The following CACUL1 variants were observed in gnomAD, a reference collection of about 807,000 sequenced individuals.
The protein encoded by CACUL1 is CDK2-associated and cullin domain-containing protein 1.
Under a neutral mutation model 45.2 loss-of-function variants are expected in CACUL1, and 13 were observed. The observed-to-expected ratio is 0.29, with a 90% CI of 0.19 to 0.46. The LOEUF is 0.46. CACUL1 is among the 20% of genes least tolerant of loss of function. The pLI is 1.00. For synonymous variants in CACUL1, 197 were observed against 174.2 expected (o/e 1.13, Z -1.03); for missense variants, 421 against 471.4 (o/e 0.89, Z 0.99).
At chr10:118,693,924 T>G (rs920865550) in intron 6 of CACUL1, among the ~76,000 whole-genome samples, 1 of 152,228 alleles carries the variant, frequency 6.6e-6, no homozygotes, top group Non-Finnish European at 1.5e-5. Flanking sequence ...CTAAGGGTTT[T>G]GTTTTGTTTT....
rs1845140380 is a variant in CACUL1 at position 118,680,245 on chromosome 10, C to T, written c.*5883G>A. ...AAATTCACACATATACACACACACA[C>T]ACAGAGCTGGTTCTAGTAGAAAAGG... On this transcript the variant is annotated 3_prime_UTR_variant, in exon 9 of 9. Transcript: ENST00000369151. 6.6e-6 allele frequency: 1 copy of T among 152,168 alleles called. No individual in the cohort carries two copies. Among genetic ancestry groups the T allele is most frequent in the Admixed American group, 6.5e-5 (1 of 15,284 alleles). The allele number at this position is 152,168 out of a possible 1,614,324, so 9.4% of individuals were successfully genotyped here. A position where few individuals can be genotyped will look rare whatever the true frequency, so the allele number is the denominator to read the frequency against.
chr10:118,712,594 G>C (rs1845499614), intron 3 of CACUL1, among the ~76,000 whole-genome samples: 1 of 152,246 alleles, frequency 6.6e-6, no homozygotes, highest in Non-Finnish European at 1.5e-5. Flanking sequence ...CTGAGCAACA[G>C]AACAGCTCAG....
At chr10:118,744,215 C>T (rs1238810856) in intron 1 of CACUL1, among the ~76,000 whole-genome samples, 3 of 152,112 alleles carry the variant, frequency 2.0e-5, no homozygotes, top group Non-Finnish European at 4.4e-5. Context: ...GCAGAAACCC[C>T]GTCTCTACTA....
chr10:118,716,848 C>T (rs149151777), intron 3 of CACUL1, among the ~76,000 whole-genome samples: 2 of 152,240 alleles, frequency 1.3e-5, no homozygotes, highest in African/African-American at 2.4e-5. Flanking sequence ...ATGATCCACC[C>T]GCCTCGGCCT....
chr10:118,723,821 G>A (rs1845624758), intron 3 of CACUL1, among the ~76,000 whole-genome samples: 1 of 152,010 alleles, frequency 6.6e-6, no homozygotes, highest in Admixed American at 6.6e-5. Context: ...TGTCGCTCAG[G>A]CTGGAGTACA....
At chr10:118,693,800 C>G (rs1348892189) in intron 6 of CACUL1, 2 of 446,682 alleles carry the variant, frequency 4.5e-6, no homozygotes, top group Non-Finnish European at 8.9e-6. Context: ...AAAATCTTTA[C>G]TACTTTATAC....
rs1845099758 is a variant in CACUL1, at chr10:118,676,599, G to A, written c.*9529C>T. The A allele has an allele frequency of 6.6e-6, 1 of 152,058 alleles. No individual in the cohort carries two copies. Among genetic ancestry groups the A allele is most frequent in the South Asian group, 2.1e-4 (1 of 4,826 alleles). 9.4% of individuals were successfully genotyped at this position (152,058 alleles called of 1,614,324 possible). On this transcript the variant is annotated 3_prime_UTR_variant, in exon 9 of 9. Coordinates refer to ENST00000369151, the MANE Select transcript of CACUL1 (RefSeq NM_153810.5). ...AAGCATGAAAATAAACTTACCTTAA[G>A]AACATTAAGTTGTTTTTATAAAGTG...
rs1845316482 is a variant in CACUL1 at position 118,695,797 on chromosome 10, T to G, written c.797-567A>C. ...CAACAGAGACAGTTTTCTTTTAGGT[T>G]ATCTACTGCCACACAAACATTTTTA... On this transcript the variant is annotated intron_variant, in intron 5 of 8. Coordinates refer to ENST00000369151, the MANE Select transcript of CACUL1 (RefSeq NM_153810.5). Among the ~76,000 whole-genome samples the G allele has an allele frequency of 2.0e-5, 3 of 152,350 alleles. No individual in the cohort carries two copies. The South Asian group carries it at 6.2e-4, about 32-fold the overall frequency.
intron 3 of CACUL1, among the ~76,000 whole-genome samples, chr10:118,713,306 C>T (rs1845510274): frequency 6.6e-6 from 1 of 152,194 alleles, no homozygotes; most frequent in Non-Finnish European, 1.5e-5. Flanking sequence ...GCAGGGGGTC[C>T]TTCCTGGGCC....
chr10:118,690,291 G>A (rs1411702623), intron 7 of CACUL1, among the ~76,000 whole-genome samples: 1 of 115,546 alleles, frequency 8.7e-6, no homozygotes, highest in African/African-American at 3.5e-5. Context: ...CTGGGCGACA[G>A]AGCGAGACTC....
At chr10:118,739,174 T>G (rs1047116778) in intron 1 of CACUL1, among the ~76,000 whole-genome samples, 6 of 149,296 alleles carry the variant, frequency 4.0e-5, no homozygotes, top group Non-Finnish European at 7.4e-5. Context: ...CCAGCCTGGG[T>G]GACAGAGACT....
chr10:118,743,651 C>T (rs931094311), intron 1 of CACUL1, among the ~76,000 whole-genome samples: 3 of 152,030 alleles, frequency 2.0e-5, no homozygotes, highest in Non-Finnish European at 4.4e-5. Flanking sequence ...ATCACTTGAA[C>T]CCGGGAGGTG....
intron 3 of CACUL1, chr10:118,726,356 T>C: frequency 7.8e-7 from 1 of 1,284,984 alleles, no homozygotes; most frequent in African/African-American, 1.5e-5. Flanking sequence ...CACATTTAGT[T>C]ACTCAGCATT....
chr10:118,692,419 A>C (rs973318930), intron 6 of CACUL1: 1 of 152,238 alleles, frequency 6.6e-6, no homozygotes, highest in African/African-American at 2.4e-5. Context: ...CAGTAAGACC[A>C]GATAAATGAG....
At position 118,681,470 on chromosome 10, in the gene CACUL1, C is replaced by A. The variant is rs961540416; in HGVS notation, c.*4658G>T. ...TCTAAGAGAATACCCAGTCTTAGTGCATTTAGTACATAGTCACAACATTGA... is the reference window on the plus strand; with the variant it reads ...TCTAAGAGAATACCCAGTCTTAGTGAATTTAGTACATAGTCACAACATTGA... On this transcript the variant is annotated 3_prime_UTR_variant, in exon 9 of 9. Coordinates refer to ENST00000369151, the MANE Select transcript of CACUL1 (RefSeq NM_153810.5). 1.3e-5 allele frequency: 2 copies of A among 152,178 alleles called. No homozygotes were observed. The highest frequency in any genetic ancestry group is 4.8e-5 in the African/African-American group (2 of 41,432). 9.4% of individuals were successfully genotyped at this position (152,178 alleles called of 1,614,324 possible).
At chr10:118,719,092 T>C (rs768577727) in intron 3 of CACUL1, among the ~76,000 whole-genome samples, 2 of 152,164 alleles carry the variant, frequency 1.3e-5, no homozygotes, top group Non-Finnish European at 1.5e-5. Flanking sequence ...ATATATGCAA[T>C]GACCTAGTAG....
At chr10:118,708,011 G>A (rs1845448756) in intron 3 of CACUL1, among the ~76,000 whole-genome samples, 1 of 151,784 alleles carries the variant, frequency 6.6e-6, no homozygotes, top group Admixed American at 6.6e-5. Flanking sequence ...AGCCAGGTGG[G>A]GGTGGCAGGT....
rs1473889069 is a variant in CACUL1 at position 118,678,336 on chromosome 10, G to T, written c.*7792C>A. 1.3e-5 allele frequency: 2 copies of T among 152,292 alleles called. No homozygotes were observed. The highest frequency in any genetic ancestry group is 6.5e-5 in the Admixed American group (1 of 15,298). 9.4% of individuals were successfully genotyped at this position (152,292 alleles called of 1,614,324 possible). Reference sequence around the variant, plus strand: ...ACTGATAGTCTGCATTTTCTATCTTGTTGATGAAATTCTTCCCTACTCCAA... The same window carrying T: ...ACTGATAGTCTGCATTTTCTATCTTTTTGATGAAATTCTTCCCTACTCCAA... On this transcript the variant is annotated 3_prime_UTR_variant, in exon 9 of 9. Coordinates refer to ENST00000369151, the MANE Select transcript of CACUL1 (RefSeq NM_153810.5).
chr10:118,735,736 C>A (rs938335398), intron 1 of CACUL1, among the ~76,000 whole-genome samples: 2 of 152,144 alleles, frequency 1.3e-5, no homozygotes, highest in African/African-American at 4.8e-5. Flanking sequence ...CAAAGATTCA[C>A]TAAAATTCTT....
Sources: allele counts gnomAD v4.1 joint callset (sites outside exome capture counted in the v4.1 genomes callset), GRCh38; gene constraint gnomAD v4.1.1; transcripts MANE v1.5; gene names NCBI Gene and HGNC (gene_info 2026-07-23, HGNC 2026-07-21).